Variants in IL1R1 observed in about 807,000 individuals in gnomAD.
IL1R1 encodes the protein interleukin 1 receptor type 1, also known as interleukin-1 receptor type 1.
IL1R1 carries 22 observed loss-of-function variants against 50.2 expected under a neutral mutation model. The observed-to-expected ratio is 0.44, with a 90% CI of 0.31 to 0.63. The LOEUF (loss-of-function observed/expected upper bound fraction) is 0.63, where lower values mean the gene tolerates loss of function less well. Among genes scored for constraint, IL1R1 ranks in the 20% least tolerant of loss-of-function variants. The probability of loss-of-function intolerance (pLI) is 0.07; values close to 1 mark genes in which losing one functional copy is unlikely to be tolerated. For missense variants in IL1R1, 509 were observed against 676.2 expected, an observed-to-expected ratio of 0.75 and a Z score of 2.74; for synonymous variants, 251 against 236.7, an observed-to-expected ratio of 1.06 and a Z score of -0.55.
At chr2:102,138,607 G>C (rs560720296), upstream of IL1R1, among the ~76,000 whole-genome samples, 1 of 152,320 alleles carries the variant, frequency 6.6e-6, no homozygotes, top group South Asian at 2.1e-4. Flanking sequence ...GGGAAAGGGA[G>C]AGTGTTGAGT....
At chr2:102,142,199 A>G (rs1041619470), upstream of IL1R1, 3 of 152,094 alleles carry the variant, frequency 2.0e-5, no homozygotes, top group Non-Finnish European at 4.4e-5. Context: ...GTATTAGCTC[A>G]TTTTTTTTAA....
At chr2:102,124,905 G>T (rs1048862738) in intron 1 of IL1R1, among the ~76,000 whole-genome samples, 1 of 150,456 alleles carries the variant, frequency 6.6e-6, no homozygotes, top group Non-Finnish European at 1.5e-5. Context: ...AACAGAGCAA[G>T]ACTCTGTCTC....
chr2:102,102,913 G>A (rs1006180648), upstream of IL1R1, among the ~76,000 whole-genome samples: 4 of 152,062 alleles, frequency 2.6e-5, no homozygotes, highest in Non-Finnish European at 5.9e-5. Flanking sequence ...ATCAAATACT[G>A]CATGGTCTCA....
chr2:102,151,302 C>A (rs1473566215), intron 1 of IL1R1, among the ~76,000 whole-genome samples: 1 of 152,092 alleles, frequency 6.6e-6, no homozygotes, highest in Admixed American at 6.5e-5. Context: ...ACCCCAGTGA[C>A]GGTTCCCTTG....
intron 1 of IL1R1, among the ~76,000 whole-genome samples, chr2:102,080,639 C>G (rs1679163589): frequency 6.6e-6 from 1 of 152,176 alleles, no homozygotes; most frequent in Non-Finnish European, 1.5e-5. Context: ...GGTACAGCTA[C>G]TTTTAAAATA....
At chr2:102,160,737 G>GT (rs576634363) in intron 3 of IL1R1, among the ~76,000 whole-genome samples, 306 of 152,322 alleles carry the variant, frequency 2.0e-3, no homozygotes, top group Non-Finnish European at 3.5e-3. Flanking sequence ...ATCTGAAACT[G>GT]TTTATGCTGC....
chr2:102,133,901 CAA>C (rs10566008), intron 1 of IL1R1, among the ~76,000 whole-genome samples: 58,714 of 141,504 alleles, frequency 0.41, 12,273 homozygotes, highest in East Asian at 0.5. Flanking sequence ...CTAGCTGGTG[CAA>C]AAAAAAAAAA....
At chr2:102,162,614 T>A (rs947097190) in intron 3 of IL1R1, among the ~76,000 whole-genome samples, 6 of 152,114 alleles carry the variant, frequency 3.9e-5, no homozygotes, top group Admixed American at 6.5e-5. Flanking sequence ...AATAGCCATC[T>A]CTAAGTTATC....
At chr2:102,145,307 C>G (rs4851547) in intron 1 of IL1R1, among the ~76,000 whole-genome samples, 1 of 151,970 alleles carries the variant, frequency 6.6e-6, no homozygotes, top group African/African-American at 2.4e-5. Flanking sequence ...AGGATCTGCA[C>G]TGTCAGCAGC....
chr2:102,081,160 T>G (rs1423386907), intron 1 of IL1R1, among the ~76,000 whole-genome samples: 1 of 152,202 alleles, frequency 6.6e-6, no homozygotes, highest in African/African-American at 2.4e-5. Flanking sequence ...ACTCTATGAA[T>G]ATACTGAAAC....
rs573807241 is a variant in IL1R1, at chr2:102,150,013, C to T, written c.-83-3928C>T. Among the ~76,000 whole-genome samples the T allele has an allele frequency of 1.5e-3, 231 of 152,246 alleles. 1 individual carries two copies. Among genetic ancestry groups the T allele is most frequent in the African/African-American group, 4.9e-3 (204 of 41,546 alleles). On this transcript the variant is annotated intron_variant, in intron 1 of 11. Transcript: ENST00000410023. ...GCAGGTTCTGATACTATCTGGGGTG[C>T]GCCTGCTGTGTGCCACCTTGCCTGT...
intron 1 of IL1R1, among the ~76,000 whole-genome samples, chr2:102,096,206 T>C (rs1007078092): frequency 6.6e-6 from 1 of 152,196 alleles, no homozygotes; most frequent in African/African-American, 2.4e-5. Context: ...TTTTTTGCTA[T>C]TATGAAAAAT....
chr2:102,128,846 T>C (rs921610181), intron 1 of IL1R1, among the ~76,000 whole-genome samples: 2 of 152,186 alleles, frequency 1.3e-5, no homozygotes, highest in Admixed American at 6.6e-5. Flanking sequence ...TCAGTTATTT[T>C]ACTCATTGGG....
intron 1 of IL1R1, among the ~76,000 whole-genome samples, chr2:102,115,456 T>C (rs1681018157): frequency 6.6e-6 from 1 of 152,208 alleles, no homozygotes; most frequent in African/African-American, 2.4e-5. Flanking sequence ...ATTTGGCAAA[T>C]ATTTAAACAT....
chr2:102,114,994 TAGGGGAAATG>T (rs1680987305), intron 1 of IL1R1, among the ~76,000 whole-genome samples: 1 of 152,128 alleles, frequency 6.6e-6, no homozygotes, highest in Non-Finnish European at 1.5e-5. Flanking sequence ...GACATACAAA[TAGGGGAAATG>T]TCTCCTGAAT....
At chr2:102,128,545 T>A (rs759388400) in intron 1 of IL1R1, among the ~76,000 whole-genome samples, 3 of 152,198 alleles carry the variant, frequency 2.0e-5, no homozygotes, top group Non-Finnish European at 4.4e-5. Context: ...ATAACATTAT[T>A]TTGCCATCAA....
chr2:102,152,538 A>G (rs1021234419), intron 1 of IL1R1, among the ~76,000 whole-genome samples: 4 of 136,952 alleles, frequency 2.9e-5, no homozygotes, highest in African/African-American at 1.1e-4. Flanking sequence ...AAAAAAAAAA[A>G]AAAGAAGAGT....
At position 102,166,173 on chromosome 2, in the gene IL1R1, G is replaced by T; in HGVS notation, c.547G>T (p.Val183Leu). The change falls in exon 6 of 12, where the codon GTG becomes TTG. Residue 183 changes from valine (V) to leucine (L), a missense_variant. Physicochemically the swap from Val to Leu is conservative, Grantham distance 32. Transcript: ENST00000410023. ...HFSGVKDRLI[V>L]MNVAEKHRGN... is the part of the protein sequence containing the mutation. Reference sequence around the variant, plus strand: ...TAGTGGAGTCAAAGATAGGCTCATCGTGATGAATGTGGCTGAAAAGCATAG... The same window carrying T: ...TAGTGGAGTCAAAGATAGGCTCATCTTGATGAATGTGGCTGAAAAGCATAG... 3.1e-6 allele frequency: 5 copies of T among 1,613,730 alleles called. No individual in the cohort carries two copies. Among genetic ancestry groups the T allele is most frequent in the Non-Finnish European group, 2.5e-6 (3 of 1,179,770 alleles).
Position 102,072,505 on chromosome 2 carries a change from G to A in IL1R1, c.-84+1972G>A, listed in dbSNP as rs76197870. ...ATCGTTTAGTCTCTACCAAAACATG[G>A]CATTTTTCTATTATCTTAATTCACA... On this transcript the variant is annotated intron_variant, in intron 1 of 11. Transcript: ENST00000409929. Among the ~76,000 whole-genome samples, 503 of 152,144 alleles carry A rather than the reference G, an allele frequency of 3.3e-3. 1 individual carries two copies. Among genetic ancestry groups the A allele is most frequent in the African/African-American group, 0.012 (481 of 41,512 alleles).
Sources: allele counts gnomAD v4.1 joint callset (sites outside exome capture counted in the v4.1 genomes callset), GRCh38; gene constraint gnomAD v4.1.1; transcripts MANE v1.5; gene names NCBI Gene and HGNC (gene_info 2026-07-23, HGNC 2026-07-21).